MYO9A: variants seen among roughly 807,000 people sequenced by gnomAD.
MYO9A encodes unconventional myosin-IXa.
Under a neutral mutation model 293.3 loss-of-function variants are expected in MYO9A, and 103 were observed. The observed-to-expected ratio is 0.35, with a 90% confidence interval of 0.30 to 0.41. The LOEUF (loss-of-function observed/expected upper bound fraction) is 0.41, where lower values mean the gene tolerates loss of function less well. MYO9A is among the 10% of genes least tolerant of loss of function. The pLI, the probability that MYO9A is intolerant of heterozygous loss-of-function variation, is 1.00. For missense variants in MYO9A, 2,685 were observed against 3,033.0 expected, an observed-to-expected ratio of 0.89 and a Z score of 2.69; for synonymous variants, 1,001 against 1,035.7, an observed-to-expected ratio of 0.97 and a Z score of 0.64.
chr15:71,920,235 T>C (rs1031291564), intron 18 of MYO9A, among the ~76,000 whole-genome samples: 1 of 152,188 alleles, frequency 6.6e-6, no homozygotes, highest in Non-Finnish European at 1.5e-5. Context: ...TTTCAACAAT[T>C]ATCTACCACT....
intron 15 of MYO9A, among the ~76,000 whole-genome samples, chr15:71,942,431 T>G (rs914095954): frequency 6.6e-6 from 1 of 152,040 alleles, no homozygotes; most frequent in African/African-American, 2.4e-5. Context: ...TCTTCCTTAA[T>G]CCATAATGTT....
chr15:71,902,790 G>T, intron 22 of MYO9A, 151 bp downstream of exon 22: 1 of 557,960 alleles, frequency 1.8e-6, no homozygotes, highest in Non-Finnish European at 2.9e-6. Context: ...GATTAATATT[G>T]ACTACATAAT....
chr15:71,925,990 C>G (rs1201212417), intron 18 of MYO9A, among the ~76,000 whole-genome samples: 1 of 152,158 alleles, frequency 6.6e-6, no homozygotes, highest in Non-Finnish European at 1.5e-5. Flanking sequence ...TTAGGTGAAA[C>G]AGCTGCCTCT....
At chr15:71,972,030 C>T (rs926624420) in intron 12 of MYO9A, among the ~76,000 whole-genome samples, 5 of 152,160 alleles carry the variant, frequency 3.3e-5, no homozygotes, top group African/African-American at 1.2e-4. Context: ...AGGGTCCCTC[C>T]CCATATTCTG....
chr15:71,998,820 C>T (rs1056018073), intron 9 of MYO9A, among the ~76,000 whole-genome samples: 1 of 151,814 alleles, frequency 6.6e-6, no homozygotes, highest in Non-Finnish European at 1.5e-5. Context: ...TGAGTGAGAA[C>T]GTGCGGTGTT....
intron 15 of MYO9A, among the ~76,000 whole-genome samples, chr15:71,944,930 A>T (rs890814872): frequency 1.3e-5 from 2 of 152,164 alleles, no homozygotes; most frequent in Non-Finnish European, 2.9e-5. Context: ...AGAGAGCTGC[A>T]TCTCAAAAAT....
intron 11 of MYO9A, among the ~76,000 whole-genome samples, chr15:71,988,654 T>C (rs975314696): frequency 2.0e-5 from 3 of 152,200 alleles, no homozygotes; most frequent in African/African-American, 4.8e-5. Context: ...GACTTGATGA[T>C]ATAAAGATCT....
intron 32 of MYO9A, among the ~76,000 whole-genome samples, chr15:71,864,119 T>C (rs1596058837): frequency 1.3e-5 from 2 of 152,134 alleles, no homozygotes; most frequent in East Asian, 3.8e-4. Flanking sequence ...GTAATTATGT[T>C]AGAAATGTTA....
chr15:71,942,976 C>T (rs889699755), intron 15 of MYO9A, among the ~76,000 whole-genome samples: 2 of 151,980 alleles, frequency 1.3e-5, no homozygotes, highest in Admixed American at 1.3e-4. Context: ...TTAATAATTG[C>T]TATCATTCAT....
chr15:71,991,850 T>C (rs1021909164), intron 10 of MYO9A, among the ~76,000 whole-genome samples: 1 of 151,958 alleles, frequency 6.6e-6, no homozygotes, highest in South Asian at 2.1e-4. Flanking sequence ...GCCACCGGGG[T>C]TCATGCGATT....
intron 2 of MYO9A, among the ~76,000 whole-genome samples, chr15:72,035,500 TGA>T (rs2078017354): frequency 6.6e-6 from 1 of 152,182 alleles, no homozygotes; most frequent in Admixed American, 6.5e-5. Context: ...CAACACTGAA[TGA>T]GAGAAATCAG....
chr15:71,932,834 AT>A (rs1228762631), intron 18 of MYO9A, among the ~76,000 whole-genome samples: 1 of 152,090 alleles, frequency 6.6e-6, no homozygotes, highest in African/African-American at 2.4e-5. Flanking sequence ...TAGTTTATTC[AT>A]TTTTATTGGT....
In MYO9A at chr15:71,897,861, A is replaced by G. The variant is rs771921129; in HGVS notation, c.4642T>C (p.Tyr1548His). The G allele has an allele frequency of 4.3e-6, 7 of 1,614,100 alleles. No individual in the cohort carries two copies. In the South Asian group the frequency reaches 4.4e-5, roughly 10 times the overall value. ...CTCTCTACTCTTTGCTTTGACTGAT[A>G]GGAAGATGGTGCCACCAAACACTCT... ...IGECLVAPSS[Y>H]QSKQRVERPS... Residue 1548 changes from tyrosine to histidine, a missense_variant, in exon 25 of 42, where the codon TAT (tyrosine) becomes CAT (histidine). By Grantham distance (83) the Tyr-to-His change is moderately conservative. This residue lies in a region of MYO9A where 1,434 missense variants were observed against 1,497.7 expected (regional missense o/e 0.96). Coordinates refer to ENST00000356056, the MANE Select transcript of MYO9A (RefSeq NM_006901.4).
rs1228925801 is a variant in MYO9A at position 71,938,834 on chromosome 15, TA to T, written c.2378+17del. ...TTTCTTCTATACGTCCTTGAAAACATAAACCAAACACACTTACTGTTGGTTT... is the reference window on the plus strand; with the variant it reads ...TTTCTTCTATACGTCCTTGAAAACATAACCAAACACACTTACTGTTGGTTT... On this transcript the variant is annotated intron_variant, in intron 16 of 41. Coordinates refer to ENST00000356056, the MANE Select transcript of MYO9A (RefSeq NM_006901.4). 6 of 1,578,512 alleles carry T rather than the reference TA, an allele frequency of 3.8e-6. No individual in the cohort carries two copies. Among genetic ancestry groups the T allele is most frequent in the Non-Finnish European group, 5.2e-6 (6 of 1,159,308 alleles).
chr15:72,093,477 A>T (rs969601212), intron 1 of MYO9A, among the ~76,000 whole-genome samples: 1 of 151,950 alleles, frequency 6.6e-6, no homozygotes, highest in Non-Finnish European at 1.5e-5. Flanking sequence ...AAGAGGCTGC[A>T]GTGAGCCGAG....
chr15:72,008,724 A>G (rs2077090537), intron 7 of MYO9A, among the ~76,000 whole-genome samples: 2 of 152,122 alleles, frequency 1.3e-5, no homozygotes, highest in South Asian at 2.1e-4. Flanking sequence ...AGAACAGTAT[A>G]TTATGTTATT....
At chr15:72,030,046 G>A (rs1566964589) in intron 3 of MYO9A, among the ~76,000 whole-genome samples, 1 of 152,094 alleles carries the variant, frequency 6.6e-6, no homozygotes, top group Non-Finnish European at 1.5e-5. Context: ...CCCAGTCTCT[G>A]TCCAGTAAAT....
chr15:71,949,480 C>T (rs1339742529), intron 15 of MYO9A, among the ~76,000 whole-genome samples: 7 of 149,128 alleles, frequency 4.7e-5, no homozygotes, highest in Admixed American at 6.7e-5. Context: ...AAATAATTTT[C>T]GACCCCTTTA....
intron 1 of MYO9A, among the ~76,000 whole-genome samples, chr15:72,093,267 C>A (rs545114705): frequency 6.6e-6 from 1 of 152,278 alleles, no homozygotes; most frequent in African/African-American, 2.4e-5. Context: ...GTGGCTCATG[C>A]CTGTAATTTC....
Sources: gnomAD v4.1 joint callset for allele counts (sites outside exome capture counted in the v4.1 genomes callset) on GRCh38, gnomAD v4.1.1 for gene constraint, gnomAD v4.1.1 regional missense constraint, MANE v1.5 for transcripts, NCBI Gene and HGNC (gene_info 2026-07-23, HGNC 2026-07-21) for gene names.